The following ERC1 variants were observed in gnomAD, a reference collection of about 807,000 sequenced individuals.
ERC1 encodes RAB6 interacting protein 2.
A neutral mutation model predicts 132.0 loss-of-function variants in ERC1; 56 were observed. That is an observed-to-expected ratio of 0.42 (90% CI 0.34 to 0.53). ERC1 has a LOEUF of 0.53. Ranked by LOEUF, ERC1 falls within the 20% of genes least tolerant of loss-of-function variation. The pLI, the probability that ERC1 is intolerant of heterozygous loss-of-function variation, is 0.03. For synonymous variants in ERC1, 478 were observed against 476.1 expected (o/e 1.00, Z -0.05); for missense variants, 1,202 against 1,349.9 (o/e 0.89, Z 1.72).
At chr12:1,289,047 A>T (rs1357443200) in intron 14 of ERC1, among the ~76,000 whole-genome samples, 64 of 59,614 alleles carry the variant, frequency 1.1e-3, no homozygotes, top group Admixed American at 1.3e-3. Context: ...TCCCCATGTC[A>T]TTTTTAAAGC....
chr12:1,041,923 A>AT (rs1432004038), intron 2 of ERC1, among the ~76,000 whole-genome samples: 1 of 152,018 alleles, frequency 6.6e-6, no homozygotes, highest in Non-Finnish European at 1.5e-5. Context: ...TAATTTTTGT[A>AT]TTTTTAGTAG....
intron 18 of ERC1, among the ~76,000 whole-genome samples, chr12:1,449,415 G>T (rs1429190665): frequency 6.6e-6 from 1 of 152,130 alleles, no homozygotes; most frequent in Admixed American, 6.6e-5. Context: ...ACGTGTCATG[G>T]GAGGCACCCA....
At chr12:1,276,143 T>C (rs2078244424) in intron 14 of ERC1, among the ~76,000 whole-genome samples, 1 of 152,124 alleles carries the variant, frequency 6.6e-6, no homozygotes, top group African/African-American at 2.4e-5. Flanking sequence ...CCTTATTCCC[T>C]TGTCTGGAAA....
intron 12 of ERC1, among the ~76,000 whole-genome samples, chr12:1,220,479 A>AC (rs1958874536): frequency 6.6e-6 from 1 of 152,198 alleles, no homozygotes; most frequent in Non-Finnish European, 1.5e-5. Context: ...ATGTGGCTTT[A>AC]CATCAGTTGA....
rs367815193 is a variant in ERC1 at position 1,470,443 on chromosome 12, T to A, written c.3214-19650T>A. ...CTTATTAGTTGTTTGGGTTTGGGGTTTTTTTTGTTTTTTTTTTTTCTTCAT... is the reference window on the plus strand; with the variant it reads ...CTTATTAGTTGTTTGGGTTTGGGGTATTTTTTGTTTTTTTTTTTTCTTCAT... On this transcript the variant is annotated intron_variant, in intron 18 of 18. Transcript: ENST00000360905. Among the ~76,000 whole-genome samples, 8 of 151,654 alleles carry A rather than the reference T, an allele frequency of 5.3e-5. No homozygotes were observed. The East Asian group carries it at 5.8e-4, about 11-fold the overall frequency.
At chr12:1,474,935 T>A (rs982393658) in intron 18 of ERC1, among the ~76,000 whole-genome samples, 23 of 152,346 alleles carry the variant, frequency 1.5e-4, no homozygotes, top group Admixed American at 1.5e-3. Flanking sequence ...GCTTTGAGCA[T>A]TCAGATTGAG....
At position 1,494,718 on chromosome 12, in the gene ERC1, A is replaced by G. The variant is rs866656330; in HGVS notation, c.*4488A>G. 4.3e-6 allele frequency: 1 copy of G among 231,158 alleles called. No homozygotes were observed. Among genetic ancestry groups the G allele is most frequent in the Non-Finnish European group, 8.6e-6 (1 of 116,872 alleles). The allele number at this position is 231,158 out of a possible 1,614,324, so 14.3% of individuals were successfully genotyped here. Reference sequence around the variant, plus strand: ...TCCTCTCTTCTTTCTCTGCTTGTCGATATTGTCTGTGTGATTCAGAGAATT... The same window carrying G: ...TCCTCTCTTCTTTCTCTGCTTGTCGGTATTGTCTGTGTGATTCAGAGAATT... On this transcript the variant is annotated 3_prime_UTR_variant, in exon 19 of 19. Transcript: ENST00000360905.
At position 1,495,657 on chromosome 12, in the gene ERC1, G is replaced by C. The variant is rs1445013136; in HGVS notation, c.*5427G>C. ...AGAAGAGAAGTGTTGCACTTTAGTGGAGGAGCTGAGGAGCACCTGCCCCCT... is the reference window on the plus strand; with the variant it reads ...AGAAGAGAAGTGTTGCACTTTAGTGCAGGAGCTGAGGAGCACCTGCCCCCT... On this transcript the variant is annotated 3_prime_UTR_variant, in exon 19 of 19. Transcript: ENST00000360905. The C allele has an allele frequency of 4.4e-6, 1 of 225,244 alleles. No homozygotes were observed. The highest frequency in any genetic ancestry group is 6.4e-5 in the East Asian group (1 of 15,704). The allele number at this position is 225,244 out of a possible 1,614,324, so 14.0% of individuals were successfully genotyped here. A position where few individuals can be genotyped will look rare whatever the true frequency, so the allele number is the denominator to read the frequency against.
chr12:1,481,233 G>A (rs763693593), intron 18 of ERC1, among the ~76,000 whole-genome samples: 10 of 152,060 alleles, frequency 6.6e-5, no homozygotes, highest in South Asian at 2.1e-4. Context: ...GGGCGCCGCC[G>A]TATTTTAGTA....
At chr12:1,343,660 C>T (rs545135311) in intron 15 of ERC1, among the ~76,000 whole-genome samples, 177 of 152,212 alleles carry the variant, frequency 1.2e-3, no homozygotes, top group Non-Finnish European at 1.4e-3. Context: ...GCCACTTACG[C>T]TGTCTCACTT....
intron 18 of ERC1, among the ~76,000 whole-genome samples, chr12:1,485,304 A>G (rs915623527): frequency 6.9e-6 from 1 of 143,932 alleles, no homozygotes. Flanking sequence ...TCCTGGATTC[A>G]AGCAATTCTT....
intron 2 of ERC1, among the ~76,000 whole-genome samples, chr12:1,081,111 A>G (rs1942131804): frequency 6.6e-6 from 1 of 152,152 alleles, no homozygotes. Context: ...CCAGTATGGT[A>G]CACTGCTTAG....
chr12:1,477,757 C>G (rs1389727006), intron 18 of ERC1, among the ~76,000 whole-genome samples: 1 of 152,174 alleles, frequency 6.6e-6, no homozygotes, highest in Non-Finnish European at 1.5e-5. Flanking sequence ...CCTTGTCATC[C>G]TCCTTCCAGT....
chr12:1,135,891 A>T (rs953949492), intron 7 of ERC1, among the ~76,000 whole-genome samples: 1 of 152,228 alleles, frequency 6.6e-6, no homozygotes, highest in African/African-American at 2.4e-5. Context: ...GTCCTAAGAG[A>T]GTAAAACAGT....
intron 15 of ERC1, among the ~76,000 whole-genome samples, chr12:1,349,041 TTGTAAAGGAA>T (rs2084749941): frequency 6.6e-6 from 1 of 152,240 alleles, no homozygotes; most frequent in Non-Finnish European, 1.5e-5. Context: ...CGTGTTCTTA[TTGTAAAGGAA>T]TGTAGTAATG....
chr12:1,433,286 T>A (rs2092852808), intron 17 of ERC1, among the ~76,000 whole-genome samples: 1 of 152,202 alleles, frequency 6.6e-6, no homozygotes, highest in Non-Finnish European at 1.5e-5. Context: ...GTATAAGTTG[T>A]AATTGCTCCA....
At chr12:1,177,295 G>A (rs1953845552) in intron 8 of ERC1, among the ~76,000 whole-genome samples, 1 of 152,190 alleles carries the variant, frequency 6.6e-6, no homozygotes, top group Admixed American at 6.5e-5. Flanking sequence ...TTTGGTTCCA[G>A]AGGCCTAGCT....
intron 15 of ERC1, among the ~76,000 whole-genome samples, chr12:1,361,717 C>T (rs2086144192): frequency 6.6e-6 from 1 of 152,096 alleles, no homozygotes; most frequent in Non-Finnish European, 1.5e-5. Context: ...AACATTGGGC[C>T]ACATTTATAA....
chr12:1,018,337 G>A (rs1242480634), intron 1 of ERC1, among the ~76,000 whole-genome samples: 1 of 152,174 alleles, frequency 6.6e-6, no homozygotes, highest in Non-Finnish European at 1.5e-5. Context: ...CCCTCAGCCT[G>A]TGGAGCTGCT....
Sources: gnomAD v4.1 joint callset for allele counts (sites outside exome capture counted in the v4.1 genomes callset) on GRCh38, gnomAD v4.1.1 for gene constraint, MANE v1.5 for transcripts, NCBI Gene and HGNC (gene_info 2026-07-23, HGNC 2026-07-21) for gene names.